Variants in CD244 observed in about 807,000 individuals in gnomAD.
The protein encoded by CD244 is CD244 molecule.
A neutral mutation model predicts 45.5 loss-of-function variants in CD244; 20 were observed. The ratio of observed to expected loss-of-function variants is 0.44; its 90% CI spans 0.31 to 0.64. The LOEUF (loss-of-function observed/expected upper bound fraction) is 0.64, where lower values mean the gene tolerates loss of function less well. Among genes scored for constraint, CD244 ranks in the 30% least tolerant of loss-of-function variants. The pLI, the probability that CD244 is intolerant of heterozygous loss-of-function variation, is 0.08. For missense variants in CD244, 407 were observed against 426.9 expected, an observed-to-expected ratio of 0.95 and a Z score of 0.41; for synonymous variants, 185 against 160.5, an observed-to-expected ratio of 1.15 and a Z score of -1.15.
intron 1 of CD244, among the ~76,000 whole-genome samples, chr1:160,862,155 T>C (rs1329298454): frequency 6.6e-6 from 1 of 152,186 alleles, no homozygotes; most frequent in South Asian, 2.1e-4. Flanking sequence ...TCCAGCTTCT[T>C]CCTGGCTGCT....
intron 3 of CD244, among the ~76,000 whole-genome samples, chr1:160,840,419 G>A (rs1383062063): frequency 2.0e-5 from 3 of 151,796 alleles, no homozygotes; most frequent in Admixed American, 6.6e-5. Flanking sequence ...CCGCCAACAC[G>A]CCCAGCTAAT....
intron 4 of CD244, 104 bp from the exon 5 acceptor site, chr1:160,838,622 G>C (rs1470587465): frequency 2.6e-5 from 22 of 852,688 alleles, no homozygotes; most frequent in Non-Finnish European, 4.0e-6. Context: ...CCTTAAAAAA[G>C]GTTCTAGAAA....
chr1:160,861,376 G>C (rs1480452361), intron 1 of CD244, among the ~76,000 whole-genome samples: 2 of 152,186 alleles, frequency 1.3e-5, no homozygotes, highest in Non-Finnish European at 2.9e-5. Context: ...TAACTGAATT[G>C]AGTACCTGGG....
chr1:160,849,666 T>C (rs1669852910), intron 1 of CD244, among the ~76,000 whole-genome samples: 1 of 152,116 alleles, frequency 6.6e-6, no homozygotes, highest in Non-Finnish European at 1.5e-5. Context: ...TTAATCAACA[T>C]TGTACTGGAG....
At chr1:160,832,281 C>T (rs1345728725) in intron 8 of CD244, among the ~76,000 whole-genome samples, 2 of 152,156 alleles carry the variant, frequency 1.3e-5, no homozygotes, top group African/African-American at 4.8e-5. Context: ...TAATTTAAAA[C>T]CCAAGCTGCC....
At chr1:160,845,620 C>T (rs1335108732) in intron 1 of CD244, among the ~76,000 whole-genome samples, 1 of 152,174 alleles carries the variant, frequency 6.6e-6, no homozygotes, top group African/African-American at 2.4e-5. Flanking sequence ...CTTTGGGAGG[C>T]CCAGGTGGAT....
intron 7 of CD244, chr1:160,832,854 A>G (rs1341984193): frequency 4.1e-6 from 1 of 244,624 alleles, no homozygotes; most frequent in East Asian, 8.8e-5. Context: ...ACCCATACAC[A>G]TATGTGTGTG....
At chr1:160,854,585 G>C (rs1015663477) in intron 1 of CD244, among the ~76,000 whole-genome samples, 9 of 151,204 alleles carry the variant, frequency 6.0e-5, no homozygotes, top group African/African-American at 2.2e-4. Flanking sequence ...GTAGAGACAG[G>C]GTTTCGCCAT....
In CD244 at chr1:160,839,061, A is replaced by G. The variant is rs375103125; in HGVS notation, c.656-12T>C. ...CCAAAATCTGAATTCTGAGGAATAC[A>G]GAAGGCGTGAGAACTGAGCTGTCAG... On this transcript the variant is annotated splice_polypyrimidine_tract_variant and intron_variant, in intron 3 of 8. Coordinates refer to ENST00000368034, the MANE Select transcript of CD244 (RefSeq NM_016382.4). 15 of 1,584,582 alleles carry G rather than the reference A, an allele frequency of 9.5e-6. No homozygotes were observed. In the East Asian group the frequency reaches 2.0e-4, roughly 21 times the overall value.
At chr1:160,852,773 A>G (rs977540909) in intron 1 of CD244, among the ~76,000 whole-genome samples, 2 of 152,084 alleles carry the variant, frequency 1.3e-5, no homozygotes, top group South Asian at 2.1e-4. Context: ...CTGTAATCCC[A>G]GCACTTTGGG....
At chr1:160,845,593 C>T (rs1331431840) in intron 1 of CD244, among the ~76,000 whole-genome samples, 1 of 152,142 alleles carries the variant, frequency 6.6e-6, no homozygotes, top group African/African-American at 2.4e-5. Flanking sequence ...CGGTGGCTCA[C>T]GCCTGTAATC....
intron 1 of CD244, among the ~76,000 whole-genome samples, chr1:160,846,477 G>A (rs1669744478): frequency 6.6e-6 from 1 of 152,140 alleles, no homozygotes; most frequent in African/African-American, 2.4e-5. Context: ...GACCAGGCTG[G>A]CCAACATGGC....
chr1:160,862,536 G>T, intron 1 of CD244, 81 bp downstream of exon 1: 1 of 1,261,572 alleles, frequency 7.9e-7, no homozygotes, highest in Non-Finnish European at 1.1e-6. Flanking sequence ...TGTGGCACAA[G>T]CAGAGGCTCT....
At chr1:160,831,837 C>T (rs530529416) in intron 8 of CD244, among the ~76,000 whole-genome samples, 6 of 152,250 alleles carry the variant, frequency 3.9e-5, no homozygotes, top group Admixed American at 2.6e-4. Flanking sequence ...TAGTATGAGG[C>T]TAATGGGTAG....
Position 160,862,617 on chromosome 1 carries a change from C to G in CD244, c.61G>C (p.Gly21Arg). The part of the protein sequence containing the change: ...LLLLKVYQGK[G>R]CQGSADHVVS... ...CCCACGCCAGGTAGGACCTCCTTAC[C>G]TTTGCCCTGATACACCTTGAGGAGC... Residue 21 changes from glycine to arginine, a missense_variant and splice_region_variant, in exon 1 of 9, where the codon GGA becomes CGA. By Grantham distance (125) the Gly-to-Arg change is moderately radical. Coordinates refer to ENST00000368034, the MANE Select transcript of CD244 (RefSeq NM_016382.4). 1 of 1,614,000 alleles carries G rather than the reference C, an allele frequency of 6.2e-7. No individual in the cohort carries two copies. Among genetic ancestry groups the G allele is most frequent in the Non-Finnish European group, 8.5e-7 (1 of 1,179,882 alleles).
Position 160,831,318 on chromosome 1 carries a change from T to C in CD244, c.*29A>G. 6.3e-7 allele frequency: 1 copy of C among 1,575,172 alleles called. No individual in the cohort carries two copies. Among genetic ancestry groups the C allele is most frequent in the Middle Eastern group, 1.7e-4 (1 of 5,988 alleles). ...CCAATTCCCAAAGCAGATGCTGATG[T>C]GCAAGAAAGGTGAGAATTGCTGCAG... On this transcript the variant is annotated 3_prime_UTR_variant, in exon 9 of 9. Coordinates refer to ENST00000368034, the MANE Select transcript of CD244 (RefSeq NM_016382.4).
chr1:160,853,363 A>G (rs1487056721), intron 1 of CD244, among the ~76,000 whole-genome samples: 4 of 152,150 alleles, frequency 2.6e-5, no homozygotes, highest in Non-Finnish European at 1.5e-5. Flanking sequence ...TTACCCTTGC[A>G]GGAGGGGGGT....
At chr1:160,838,331 G>A in intron 5 of CD244, 120 bp downstream of exon 5, 1 of 786,402 alleles carries the variant, frequency 1.3e-6, no homozygotes, top group Non-Finnish European at 2.3e-6. Flanking sequence ...GGGAAGGGCT[G>A]AGGGTCACAT....
intron 6 of CD244, among the ~76,000 whole-genome samples, chr1:160,835,709 T>C (rs1274750500): frequency 6.6e-6 from 1 of 151,768 alleles, no homozygotes; most frequent in Non-Finnish European, 1.5e-5. Context: ...AAATAAAAAA[T>C]AAATAAAGAG....
Sources: gnomAD v4.1 joint callset for allele counts (sites outside exome capture counted in the v4.1 genomes callset) on GRCh38, gnomAD v4.1.1 for gene constraint, MANE v1.5 for transcripts, NCBI Gene and HGNC (gene_info 2026-07-23, HGNC 2026-07-21) for gene names.